ZFHX3: variants seen among roughly 807,000 people sequenced by gnomAD.
ZFHX3 encodes the protein zinc finger homeobox 3.
A neutral mutation model predicts 279.1 loss-of-function variants in ZFHX3; 42 were observed. The observed-to-expected ratio is 0.15, with a 90% CI of 0.12 to 0.19. The LOEUF (loss-of-function observed/expected upper bound fraction) is 0.19, where lower values mean the gene tolerates loss of function less well. Ranked by LOEUF, ZFHX3 falls within the 10% of genes least tolerant of loss-of-function variation. The pLI, the probability that ZFHX3 is intolerant of heterozygous loss-of-function variation, is 1.00. For synonymous variants in ZFHX3, 2,293 were observed against 1,957.8 expected, an observed-to-expected ratio of 1.17 and a Z score of -4.52; for missense variants, 4,981 against 4,754.0, an observed-to-expected ratio of 1.05 and a Z score of -1.40.
Position 73,169,651 on chromosome 16 carries a change from G to A in ZFHX3, c.-1103-25820C>T, listed in dbSNP as rs575436759. On this transcript the variant is annotated intron_variant, in intron 5 of 17. Transcript: ENST00000641206. ...TCCAGCCTGGGCGACAGAGTGAGAC[G>A]ATGTCTCAAAAAAGGAAAAAAAAAA... Among the ~76,000 whole-genome samples the A allele has an allele frequency of 1.6e-4, 24 of 149,752 alleles. No individual in the cohort carries two copies. In the South Asian group the frequency reaches 3.0e-3, roughly 18 times the overall value.
Position 72,800,073 on chromosome 16 carries a change from T to G in ZFHX3, c.3921A>C (p.Pro1307=). ...PSSMFLPAAV[P]DRDGNSNLEE... is the part of the protein sequence containing the mutation. ...CCAAATTGGAATTCCCATCTCGATC[T>G]GGAACAGCTGCTGGGAGGAACATGC... Residue 1307 remains proline (P), a synonymous_variant, in exon 8 of 10, where the codon CCA becomes CCC. Coordinates refer to ENST00000268489, the MANE Select transcript of ZFHX3 (RefSeq NM_006885.4). 6.2e-7 allele frequency: 1 copy of G among 1,614,180 alleles called. No homozygotes were observed. The highest frequency in any genetic ancestry group is 8.5e-7 in the Non-Finnish European group (1 of 1,180,018).
At chr16:73,762,540 C>A (rs1216727561) in intron 1 of ZFHX3, among the ~76,000 whole-genome samples, 1 of 152,044 alleles carries the variant, frequency 6.6e-6, no homozygotes, top group Non-Finnish European at 1.5e-5. Flanking sequence ...ATGCTCATTG[C>A]GCACTACTCA....
At chr16:73,091,361 G>A (rs758350241) in intron 8 of ZFHX3, among the ~76,000 whole-genome samples, 2 of 152,184 alleles carry the variant, frequency 1.3e-5, no homozygotes, top group Non-Finnish European at 2.9e-5. Context: ...GTTGGCAATG[G>A]CTTTCAGTGG....
chr16:73,600,048 T>A (rs949246839), intron 2 of ZFHX3, among the ~76,000 whole-genome samples: 5 of 152,192 alleles, frequency 3.3e-5, no homozygotes, highest in African/African-American at 1.2e-4. Flanking sequence ...ATACGGAGCA[T>A]CTTATTTGTA....
chr16:72,866,933 A>G, intron 4 of ZFHX3, among the ~76,000 whole-genome samples: 1 of 152,258 alleles, frequency 6.6e-6, no homozygotes, highest in East Asian at 1.9e-4. Flanking sequence ...AAATATCCAG[A>G]TTCCCTAAAT....
chr16:72,930,705 C>G (rs1178439263), intron 3 of ZFHX3, among the ~76,000 whole-genome samples: 1 of 152,170 alleles, frequency 6.6e-6, no homozygotes, highest in African/African-American at 2.4e-5. Context: ...TAGAAATACT[C>G]ATAAAACCTA....
At chr16:73,122,541 T>G (rs531870020) in intron 7 of ZFHX3, among the ~76,000 whole-genome samples, 15 of 152,204 alleles carry the variant, frequency 9.9e-5, no homozygotes, top group Middle Eastern at 3.4e-3. Flanking sequence ...TTTTCTGTCT[T>G]GCGGCTTCCT....
intron 1 of ZFHX3, among the ~76,000 whole-genome samples, chr16:73,873,443 C>T (rs1252257011): frequency 6.6e-6 from 1 of 152,168 alleles, no homozygotes; most frequent in Non-Finnish European, 1.5e-5. Flanking sequence ...AATCCTCCCA[C>T]TCATTTTATG....
At position 73,301,513 on chromosome 16, in the gene ZFHX3, C is replaced by T. The variant is rs546772293; in HGVS notation, c.-1194+16727G>A. Reference sequence around the variant, plus strand: ...GATGCCTACTGGAACCTCCATCAGTCGTGCCAATCAAAAACATCTCCAGAT... The same window carrying T: ...GATGCCTACTGGAACCTCCATCAGTTGTGCCAATCAAAAACATCTCCAGAT... On this transcript the variant is annotated intron_variant, in intron 4 of 17. Transcript: ENST00000641206. Among the ~76,000 whole-genome samples the T allele has an allele frequency of 2.1e-3, 323 of 152,244 alleles. 1 individual carries two copies. The highest frequency in any genetic ancestry group is 4.8e-3 in the South Asian group (23 of 4,818).
chr16:72,867,668 A>C (rs189952340), intron 4 of ZFHX3, among the ~76,000 whole-genome samples: 36 of 152,180 alleles, frequency 2.4e-4, no homozygotes, highest in African/African-American at 8.2e-4. Context: ...TTTCCTGTCA[A>C]GTTTCTAGCC....
At chr16:73,590,888 A>T in intron 2 of ZFHX3, among the ~76,000 whole-genome samples, 1 of 152,112 alleles carries the variant, frequency 6.6e-6, no homozygotes, top group East Asian at 1.9e-4. Context: ...ACGATATCTC[A>T]TCCCCTATAA....
At chr16:73,625,913 A>G (rs2052410874) in intron 2 of ZFHX3, among the ~76,000 whole-genome samples, 1 of 152,198 alleles carries the variant, frequency 6.6e-6, no homozygotes, top group Non-Finnish European at 1.5e-5. Context: ...GCTGGAGTTC[A>G]GCGGCACGAT....
intron 5 of ZFHX3, among the ~76,000 whole-genome samples, chr16:73,190,467 T>C (rs2144887980): frequency 6.6e-6 from 1 of 152,318 alleles, no homozygotes; most frequent in African/African-American, 2.4e-5. Flanking sequence ...AATTTCAGTT[T>C]TTCCAGCCAT....
chr16:73,611,848 T>C (rs568621775), intron 2 of ZFHX3, among the ~76,000 whole-genome samples: 44 of 152,358 alleles, frequency 2.9e-4, no homozygotes, highest in African/African-American at 1.0e-3. Context: ...CCTAAAAATG[T>C]AAATGGTTTT....
intron 7 of ZFHX3, among the ~76,000 whole-genome samples, chr16:73,104,025 C>A (rs4788700): frequency 6.6e-6 from 1 of 151,766 alleles, no homozygotes; most frequent in Non-Finnish European, 1.5e-5. Flanking sequence ...TGGTGGCCTC[C>A]GAGGAAGAAC....
intron 1 of ZFHX3, among the ~76,000 whole-genome samples, chr16:73,853,650 G>A (rs993226191): frequency 6.6e-6 from 1 of 152,052 alleles, no homozygotes; most frequent in Non-Finnish European, 1.5e-5. Flanking sequence ...ACATAAAGAT[G>A]GAAATAATAG....
chr16:73,381,896 G>A (rs2016824034), intron 3 of ZFHX3, among the ~76,000 whole-genome samples: 1 of 152,252 alleles, frequency 6.6e-6, no homozygotes, highest in Non-Finnish European at 1.5e-5. Context: ...CTGCGGGTTG[G>A]ACAAGCTTGT....
intron 1 of ZFHX3, among the ~76,000 whole-genome samples, chr16:72,980,014 C>T (rs1962518759): frequency 6.6e-6 from 1 of 152,192 alleles, no homozygotes; most frequent in Non-Finnish European, 1.5e-5. Context: ...GCAAGTAGGG[C>T]GTGCAGCCCT....
intron 5 of ZFHX3, among the ~76,000 whole-genome samples, chr16:73,174,756 G>A (rs900893946): frequency 6.6e-6 from 1 of 151,294 alleles, no homozygotes; most frequent in African/African-American, 2.4e-5. Flanking sequence ...AGTGGCTTAT[G>A]CCTATAATCC....
Sources: gnomAD v4.1 joint callset for allele counts (sites outside exome capture counted in the v4.1 genomes callset) on GRCh38, gnomAD v4.1.1 for gene constraint, MANE v1.5 for transcripts, NCBI Gene and HGNC (gene_info 2026-07-23, HGNC 2026-07-21) for gene names.